The following C12orf42 variants were observed in gnomAD, a reference collection of about 807,000 sequenced individuals.
The protein encoded by C12orf42 is chromosome 12 open reading frame 42.
In C12orf42, 25 loss-of-function variants were observed where a neutral mutation model predicts 21.6. The ratio of observed to expected loss-of-function variants is 1.16; its 90% CI spans 0.84 to 1.62. The LOEUF (loss-of-function observed/expected upper bound fraction) is 1.62, where lower values mean the gene tolerates loss of function less well. C12orf42 is among the 40% of genes most tolerant of loss of function. The pLI is 0.00. For synonymous variants in C12orf42, 174 were observed against 175.0 expected, an observed-to-expected ratio of 0.99 and a Z score of 0.05; for missense variants, 483 against 459.3, an observed-to-expected ratio of 1.05 and a Z score of -0.47.
chr12:103,365,141 TC>T (rs2044482361), intron 4 of C12orf42, among the ~76,000 whole-genome samples: 1 of 152,128 alleles, frequency 6.6e-6, no homozygotes, highest in Non-Finnish European at 1.5e-5. Flanking sequence ...CAAATGTGTT[TC>T]ATACCAGGGA....
the C12orf42 span, among the ~76,000 whole-genome samples, chr12:103,222,139 C>A: frequency 6.6e-6 from 1 of 152,144 alleles, no homozygotes; most frequent in Non-Finnish European, 1.5e-5. Flanking sequence ...TGTGAAGAGA[C>A]CACCAAACAC....
At chr12:103,181,413 C>T in the C12orf42 span, among the ~76,000 whole-genome samples, 3 of 152,110 alleles carry the variant, frequency 2.0e-5, no homozygotes, top group Admixed American at 6.5e-5. Context: ...ATAAATGGAA[C>T]TTAGGAGCTT....
the C12orf42 span, among the ~76,000 whole-genome samples, chr12:103,167,067 G>A: frequency 6.6e-6 from 1 of 152,050 alleles, no homozygotes; most frequent in African/African-American, 2.4e-5. Context: ...TAGTGTGTAT[G>A]GCCTGTGTGT....
chr12:103,463,787 A>G (rs1038907238), intron 2 of C12orf42, among the ~76,000 whole-genome samples: 1 of 151,964 alleles, frequency 6.6e-6, no homozygotes, highest in Non-Finnish European at 1.5e-5. Flanking sequence ...ATGTGTTCTC[A>G]TTGTTCACCT....
At chr12:103,466,273 A>T (rs1287926729) in intron 2 of C12orf42, among the ~76,000 whole-genome samples, 1 of 151,938 alleles carries the variant, frequency 6.6e-6, no homozygotes, top group Non-Finnish European at 1.5e-5. Flanking sequence ...GTCGTGAGTA[A>T]AATTTTCTAC....
At chr12:103,514,714 T>C in the C12orf42 span, among the ~76,000 whole-genome samples, 3 of 152,174 alleles carry the variant, frequency 2.0e-5, no homozygotes, top group Non-Finnish European at 4.4e-5. Flanking sequence ...GAACCAAAGC[T>C]GAGAGATGTT....
chr12:103,478,161 T>A (rs1314203622), intron 2 of C12orf42, 188 bp downstream of exon 2: 1 of 507,728 alleles, frequency 2.0e-6, no homozygotes, highest in Non-Finnish European at 3.4e-6. Context: ...AAAAAAATAA[T>A]TTATGAAGGC....
At chr12:103,469,822 C>T (rs1773252664) in intron 2 of C12orf42, among the ~76,000 whole-genome samples, 1 of 152,200 alleles carries the variant, frequency 6.6e-6, no homozygotes, top group African/African-American at 2.4e-5. Flanking sequence ...TTTATTAATG[C>T]ACTTTCACCA....
At chr12:103,397,162 T>C (rs2047606865) in intron 3 of C12orf42, among the ~76,000 whole-genome samples, 1 of 152,256 alleles carries the variant, frequency 6.6e-6, no homozygotes, top group African/African-American at 2.4e-5. Flanking sequence ...TATTGAGATT[T>C]ATCCTTGATG....
chr12:103,097,009 A>C, the C12orf42 span, among the ~76,000 whole-genome samples: 1 of 152,226 alleles, frequency 6.6e-6, no homozygotes, highest in African/African-American at 2.4e-5. Flanking sequence ...TCTACTAAAG[A>C]GTGTACTTTC....
intron 10 of C12orf42, among the ~76,000 whole-genome samples, chr12:103,242,366 G>A (rs959998040): frequency 6.6e-6 from 1 of 152,092 alleles, no homozygotes; most frequent in African/African-American, 2.4e-5. Flanking sequence ...TTTTACAATG[G>A]AAACTACTGG....
chr12:103,156,519 TA>T, the C12orf42 span, among the ~76,000 whole-genome samples: 52 of 151,944 alleles, frequency 3.4e-4, no homozygotes, highest in Non-Finnish European at 5.7e-4. Context: ...TTTTTTCTTC[TA>T]AAAAAAATGG....
At chr12:103,268,825 G>A (rs550333769) in exon 7 of C12orf42, 1 of 152,134 alleles carries the variant, frequency 6.6e-6, no homozygotes, top group Non-Finnish European at 1.5e-5. Context: ...CACATATAAT[G>A]CATGAAAAAG....
the C12orf42 span, among the ~76,000 whole-genome samples, chr12:103,106,957 A>G: frequency 5.9e-5 from 9 of 151,988 alleles, no homozygotes; most frequent in Non-Finnish European, 1.2e-4. Context: ...ATACCAGAAA[A>G]GATATTCACC....
At chr12:103,288,801 A>G (rs2036624324) in intron 4 of C12orf42, among the ~76,000 whole-genome samples, 2 of 152,188 alleles carry the variant, frequency 1.3e-5, no homozygotes, top group African/African-American at 2.4e-5. Flanking sequence ...ACTATTTTTT[A>G]TTAGCAAAAA....
the C12orf42 span, among the ~76,000 whole-genome samples, chr12:103,220,260 G>C: frequency 2.6e-5 from 4 of 151,992 alleles, no homozygotes; most frequent in African/African-American, 9.7e-5. Flanking sequence ...GGGCCTCTCA[G>C]GGGGTGGGAT....
chr12:103,304,281 C>G (rs1042603438), intron 5 of C12orf42, among the ~76,000 whole-genome samples: 3 of 152,070 alleles, frequency 2.0e-5, no homozygotes, highest in Admixed American at 6.5e-5. Flanking sequence ...AGTATGTGAT[C>G]AGCAGTATTC....
At chr12:103,200,472 T>C in the C12orf42 span, among the ~76,000 whole-genome samples, 4 of 152,214 alleles carry the variant, frequency 2.6e-5, no homozygotes, top group Non-Finnish European at 2.9e-5. Context: ...GTATATATTA[T>C]ATTGTGTTCT....
chr12:103,543,994 C>A, the C12orf42 span, among the ~76,000 whole-genome samples: 1 of 151,696 alleles, frequency 6.6e-6, no homozygotes, highest in African/African-American at 2.4e-5. Flanking sequence ...CCCGGGTTCA[C>A]ACCATTCTCA....
Sources: gnomAD v4.1 joint callset for allele counts (sites outside exome capture counted in the v4.1 genomes callset) on GRCh38, gnomAD v4.1.1 for gene constraint, MANE v1.5 for transcripts, NCBI Gene and HGNC (gene_info 2026-07-23, HGNC 2026-07-21) for gene names.